Variants in HECW1 observed in about 807,000 individuals in gnomAD.
HECW1 encodes the protein E3 ubiquitin-protein ligase HECW1.
HECW1 carries 61 observed loss-of-function variants against 182.3 expected under a neutral mutation model. The ratio of observed to expected loss-of-function variants is 0.33; its 90% confidence interval spans 0.27 to 0.41. HECW1 has a LOEUF of 0.41. Ranked by LOEUF, HECW1 falls within the 10% of genes least tolerant of loss-of-function variation. The pLI is 1.00. For synonymous variants in HECW1, 859 were observed against 832.6 expected, an observed-to-expected ratio of 1.03 and a Z score of -0.55; for missense variants, 1,739 against 2,108.9, an observed-to-expected ratio of 0.82 and a Z score of 3.44.
intron 3 of HECW1, among the ~76,000 whole-genome samples, chr7:43,288,778 G>A (rs77359551): frequency 0.02 from 3,054 of 152,266 alleles, 105 homozygotes; most frequent in African/African-American, 0.069. Context: ...ATTTTGCCCT[G>A]TTATTCTCCA....
At chr7:43,305,308 AG>A (rs892502162) in intron 3 of HECW1, among the ~76,000 whole-genome samples, 2 of 152,232 alleles carry the variant, frequency 1.3e-5, no homozygotes, top group Non-Finnish European at 2.9e-5. Flanking sequence ...GGAAGAAAAA[AG>A]TCCCTGTATT....
intron 17 of HECW1, among the ~76,000 whole-genome samples, chr7:43,483,069 C>T (rs947274754): frequency 3.3e-5 from 5 of 152,150 alleles, no homozygotes; most frequent in African/African-American, 4.8e-5. Context: ...GTGACTAGTT[C>T]GGTCTGAGCC....
At chr7:43,293,955 A>C (rs910569929) in intron 3 of HECW1, among the ~76,000 whole-genome samples, 1 of 152,126 alleles carries the variant, frequency 6.6e-6, no homozygotes, top group Non-Finnish European at 1.5e-5. Context: ...CATCTGAGGG[A>C]TCTAGGTTGC....
In HECW1 at chr7:43,444,446, C is replaced by G; in HGVS notation, c.1274C>G (p.Ala425Gly). 1 of 1,613,762 alleles carries G rather than the reference C, an allele frequency of 6.2e-7. No individual in the cohort carries two copies. The highest frequency in any genetic ancestry group is 8.5e-7 in the Non-Finnish European group (1 of 1,179,886). Residue 425 changes from alanine (A) to glycine (G), a missense_variant, in exon 11 of 30, where the codon GCA (alanine) becomes GGA (glycine). Coordinates refer to ENST00000395891, the MANE Select transcript of HECW1 (RefSeq NM_015052.5). The surrounding 1 kb of genome is among the most constrained non-coding windows in gnomAD (Gnocchi z 4.3). Reference sequence around the variant, plus strand: ...GAGGAAGCAGCAGTCATCACGGAGGCAGGAGACCAGGGCATGGTCTCTGTG... The same window carrying G: ...GAGGAAGCAGCAGTCATCACGGAGGGAGGAGACCAGGGCATGGTCTCTGTG... ...PAEEAAVITE[A>G]GDQGMVSVGP...
intron 8 of HECW1, among the ~76,000 whole-genome samples, chr7:43,425,248 C>CAT (rs1554408840): frequency 1.3e-5 from 2 of 151,474 alleles, no homozygotes; most frequent in Non-Finnish European, 2.9e-5. Context: ...CACACACACA[C>CAT]GTGTACATAT....
intron 5 of HECW1, among the ~76,000 whole-genome samples, chr7:43,352,699 T>C (rs1217684846): frequency 1.3e-5 from 2 of 152,240 alleles, no homozygotes; most frequent in Non-Finnish European, 2.9e-5. Context: ...TGCCAAGCAT[T>C]GTGCTAAACA....
intron 24 of HECW1, among the ~76,000 whole-genome samples, chr7:43,525,699 G>A (rs776075027): frequency 3.9e-5 from 6 of 152,190 alleles, no homozygotes; most frequent in Non-Finnish European, 7.4e-5. Context: ...GGATGTTGGT[G>A]GAGATGTATA....
chr7:43,160,181 G>A (rs1353974920), intron 2 of HECW1, among the ~76,000 whole-genome samples: 1 of 151,764 alleles, frequency 6.6e-6, no homozygotes, highest in Non-Finnish European at 1.5e-5. Flanking sequence ...TTTTTCTATG[G>A]GTCTGTTTGT....
intron 6 of HECW1, among the ~76,000 whole-genome samples, chr7:43,384,561 A>G (rs921107371): frequency 1.3e-5 from 2 of 152,202 alleles, no homozygotes; most frequent in Admixed American, 6.5e-5. Context: ...AAACTTAAAC[A>G]TATTTTTAGA....
chr7:43,550,093 C>T (rs2081743620), intron 26 of HECW1, among the ~76,000 whole-genome samples: 1 of 141,680 alleles, frequency 7.1e-6, no homozygotes, highest in African/African-American at 2.5e-5. Context: ...GCAACATAGA[C>T]CACATTCTAC....
rs528093868 is a variant in HECW1 at position 43,340,269 on chromosome 7, A to G, written c.460+19527A>G. Reference sequence around the variant, plus strand: ...GGAGTATCGCTCTGTCGCCCAGGCTAGAGTACAGCAGAGCAGTCTCAGCTC... The same window carrying G: ...GGAGTATCGCTCTGTCGCCCAGGCTGGAGTACAGCAGAGCAGTCTCAGCTC... On this transcript the variant is annotated intron_variant, in intron 5 of 29. Coordinates refer to ENST00000395891, the MANE Select transcript of HECW1 (RefSeq NM_015052.5). Among the ~76,000 whole-genome samples, 6 of 127,598 alleles carry G rather than the reference A, an allele frequency of 4.7e-5. No individual in the cohort carries two copies. In the South Asian group the frequency reaches 1.5e-3, roughly 33 times the overall value. The allele number at this position is 127,598 out of a possible 152,430, so 83.7% of individuals were successfully genotyped here. A position where few individuals can be genotyped will look rare whatever the true frequency, so the allele number is the denominator to read the frequency against.
At chr7:43,470,709 C>T (rs1260482390) in intron 16 of HECW1, among the ~76,000 whole-genome samples, 1 of 151,540 alleles carries the variant, frequency 6.6e-6, no homozygotes. Context: ...TCAGTTATGA[C>T]ACAAACTAGC....
At position 43,221,537 on chromosome 7, in the gene HECW1, G is replaced by GTTTTTTTTTTTTTTTT. The variant is rs71008897; in HGVS notation, c.-31-22311_-31-22296dup. ...CTAAACTAAATGTCAGAGGAATTAG[G>GTTTTTTTTTTTTTTTT]TTTTTTTTTTTTTTTTTTTTTTTTT... On this transcript the variant is annotated intron_variant, in intron 2 of 29. Transcript: ENST00000395891. Among the ~76,000 whole-genome samples, 4 of 50,532 alleles carry GTTTTTTTTTTTTTTTT rather than the reference G, an allele frequency of 7.9e-5. 1 individual carries two copies. Among genetic ancestry groups the GTTTTTTTTTTTTTTTT allele is most frequent in the Non-Finnish European group, 1.4e-4 (4 of 29,154 alleles). 33.2% of individuals were successfully genotyped at this position (50,532 alleles called of 152,430 possible).
intron 2 of HECW1, among the ~76,000 whole-genome samples, chr7:43,237,159 AGGT>A (rs1798448631): frequency 8.0e-6 from 1 of 125,422 alleles, no homozygotes; most frequent in Non-Finnish European, 1.7e-5. Flanking sequence ...GTAGGTAGGT[AGGT>A]AGGTAGGTAG....
intron 3 of HECW1, among the ~76,000 whole-genome samples, chr7:43,289,397 G>A (rs571242401): frequency 8.5e-5 from 13 of 152,160 alleles, no homozygotes; most frequent in Non-Finnish European, 1.0e-4. Context: ...GAGCCACCAC[G>A]CCCAGCCTCC....
chr7:43,257,618 T>G (rs933172946), intron 3 of HECW1, among the ~76,000 whole-genome samples: 1 of 152,152 alleles, frequency 6.6e-6, no homozygotes, highest in African/African-American at 2.4e-5. Flanking sequence ...GGGGGATTTA[T>G]TTTATTTGTG....
Position 43,541,950 on chromosome 7 carries a change from A to G in HECW1, c.4200A>G (p.Thr1400=). Residue 1400 remains threonine, a synonymous_variant, in exon 26 of 30, where the codon ACA becomes ACG. Coordinates refer to ENST00000395891, the MANE Select transcript of HECW1 (RefSeq NM_015052.5). ...SLQWMKDNNI[T]DILDLTFTVN... ...AGTGGATGAAGGACAACAACATCAC[A>G]GACATCTTAGACCTCACTTTCACTG... 1 of 1,561,910 alleles carries G rather than the reference A, an allele frequency of 6.4e-7. No homozygotes were observed. The highest frequency in any genetic ancestry group is 8.7e-7 in the Non-Finnish European group (1 of 1,154,320).
chr7:43,534,030 G>A (rs143190502), intron 24 of HECW1, among the ~76,000 whole-genome samples: 3,251 of 152,196 alleles, frequency 0.021, 46 homozygotes, highest in Non-Finnish European at 0.031. Context: ...GTTTAATGCC[G>A]GGAAATCAAA....
intron 26 of HECW1, among the ~76,000 whole-genome samples, chr7:43,547,891 T>C (rs1000332708): frequency 6.6e-6 from 1 of 152,240 alleles, no homozygotes; most frequent in Non-Finnish European, 1.5e-5. Flanking sequence ...GTGGAAAATA[T>C]TCAGTAAACA....
Sources: allele counts gnomAD v4.1 joint callset (sites outside exome capture counted in the v4.1 genomes callset), GRCh38; gene constraint gnomAD v4.1.1; non-coding constraint Gnocchi (gnomAD v3.1); transcripts MANE v1.5; gene names NCBI Gene and HGNC (gene_info 2026-07-23, HGNC 2026-07-21).